The following KIF24 variants were observed in gnomAD, a reference collection of about 807,000 sequenced individuals.
The protein encoded by KIF24 is kinesin family member 24.
A neutral mutation model predicts 118.9 loss-of-function variants in KIF24; 81 were observed. The observed-to-expected ratio is 0.68, with a 90% confidence interval of 0.57 to 0.82. The LOEUF (loss-of-function observed/expected upper bound fraction) is 0.82, where lower values mean the gene tolerates loss of function less well. KIF24 is among the 40% of genes least tolerant of loss of function. The pLI, the probability that KIF24 is intolerant of heterozygous loss-of-function variation, is 0.00. For synonymous variants in KIF24, 599 were observed against 610.0 expected (o/e 0.98, Z 0.27); for missense variants, 1,560 against 1,661.6 (o/e 0.94, Z 1.06).
intron 3 of KIF24, among the ~76,000 whole-genome samples, chr9:34,297,555 G>T (rs1053880102): frequency 6.6e-6 from 1 of 152,166 alleles, no homozygotes; most frequent in Non-Finnish European, 1.5e-5. Flanking sequence ...AAGGTCAGGA[G>T]ATCGAGACCA....
At position 34,257,027 on chromosome 9, in the gene KIF24, C is replaced by G. The variant is rs144995838; in HGVS notation, c.2580G>C (p.Thr860=). ...CCTGCTTCTCAGGACCCTGTCCCCA[C>G]GTCTGGTGCAGGAAGAATGAGTCTT... The part of the protein sequence containing the change: ...NSEDSFFLHQ[T]WGQGPEKQVA... Residue 860 remains threonine (T), a synonymous_variant, in exon 11 of 13, where the codon ACG becomes ACC. Coordinates refer to ENST00000402558, the MANE Select transcript of KIF24 (RefSeq NM_194313.4). 11 of 1,613,902 alleles carry G rather than the reference C, an allele frequency of 6.8e-6. No homozygotes were observed. The highest frequency in any genetic ancestry group is 8.5e-6 in the Non-Finnish European group (10 of 1,179,896).
chr9:34,273,560 G>A (rs1372536079), intron 6 of KIF24, among the ~76,000 whole-genome samples: 10 of 32,840 alleles, frequency 3.0e-4, no homozygotes, highest in Admixed American at 6.9e-4. Context: ...CCCTGTGCAG[G>A]AGGCAGAAGG....
chr9:34,309,540 CAAAAAAAAAAAAA>C (rs397960934), intron 2 of KIF24, among the ~76,000 whole-genome samples: 1 of 65,246 alleles, frequency 1.5e-5, no homozygotes, highest in African/African-American at 6.1e-5. Context: ...GACTCCGTCT[CAAAAAAAAAAAAA>C]AAAAAAAGAA....
chr9:34,258,884 A>G (rs1443349452), intron 10 of KIF24, among the ~76,000 whole-genome samples: 5 of 152,096 alleles, frequency 3.3e-5, no homozygotes, highest in Admixed American at 6.5e-5. Flanking sequence ...TGTACCAGAT[A>G]ATTATTTCTT....
At chr9:34,324,739 C>T (rs1837624032) in intron 1 of KIF24, among the ~76,000 whole-genome samples, 1 of 152,204 alleles carries the variant, frequency 6.6e-6, no homozygotes, top group East Asian at 1.9e-4. Context: ...TAGCCCCTTC[C>T]TCACTCTACA....
chr9:34,286,716 AG>A lies in KIF24; in HGVS notation c.1128-13del, dbSNP rs1836065783. ...CTCTTGCAAAGAGCCTGCAGATGCA[AG>A]AAAGTGGTTGGTATGATGGTGCTAC... On this transcript the variant is annotated splice_polypyrimidine_tract_variant and intron_variant, in intron 5 of 12. Transcript: ENST00000402558. 6.3e-7 allele frequency: 1 copy of A among 1,596,436 alleles called. No individual in the cohort carries two copies. The highest frequency in any genetic ancestry group is 1.1e-5 in the South Asian group (1 of 90,704).
In KIF24 at chr9:34,318,541, C is replaced by G. The variant is rs1181749232; in HGVS notation, c.-25-7170G>C. ...CCAAGGCAGCCACGCTGGCCGAACA[C>G]AGCGCCGGCCTGGCCTTCAGCCTGT... On this transcript the variant is annotated intron_variant, in intron 1 of 12. Transcript: ENST00000402558. This position sits in a 1 kb window ranked among gnomAD's most constrained non-coding sequence, Gnocchi z 4.9. 1 of 1,051,646 alleles carries G rather than the reference C, an allele frequency of 9.5e-7. No individual in the cohort carries two copies. The highest frequency in any genetic ancestry group is 1.5e-5 in the African/African-American group (1 of 65,434). 65.1% of individuals were successfully genotyped at this position (1,051,646 alleles called of 1,614,324 possible).
At position 34,252,890 on chromosome 9, in the gene KIF24, A is replaced by G. The variant is rs1239321724; in HGVS notation, c.*1490T>C. 2 of 151,978 alleles carry G rather than the reference A, an allele frequency of 1.3e-5. No individual in the cohort carries two copies. The highest frequency in any genetic ancestry group is 4.8e-5 in the African/African-American group (2 of 41,382). The allele number at this position is 151,978 out of a possible 1,614,324, so 9.4% of individuals were successfully genotyped here. On this transcript the variant is annotated 3_prime_UTR_variant, in exon 13 of 13. Transcript: ENST00000402558. ...TGCCACAAGCAGAGGATGGGATTTA[A>G]ACTGTTTCACCAGCTCTCAGTGGTG... is the stretch of plus-strand genomic sequence containing the variant.
At chr9:34,260,721 A>G (rs1233157324) in intron 9 of KIF24, among the ~76,000 whole-genome samples, 2 of 152,236 alleles carry the variant, frequency 1.3e-5, no homozygotes, top group East Asian at 3.8e-4. Flanking sequence ...CTGTAATCCT[A>G]GCACTTTGGG....
intron 10 of KIF24, 65 bp from the exon 11 acceptor site, chr9:34,258,046 T>C: frequency 1.6e-6 from 2 of 1,265,986 alleles, no homozygotes; most frequent in Non-Finnish European, 2.2e-6. Flanking sequence ...TTTCTATAGC[T>C]TTCTGGGAAA....
intron 3 of KIF24, among the ~76,000 whole-genome samples, chr9:34,303,127 C>T (rs1836788175): frequency 6.6e-6 from 1 of 151,578 alleles, no homozygotes; most frequent in Non-Finnish European, 1.5e-5. Flanking sequence ...GTTACCCAGG[C>T]TGGTTTTGAA....
intron 1 of KIF24, chr9:34,319,200 G>A: frequency 1.2e-6 from 2 of 1,604,386 alleles, no homozygotes; most frequent in Non-Finnish European, 1.7e-6. Context: ...AAGCTCTCCA[G>A]CCTCATCATC....
At chr9:34,262,974 C>A in intron 9 of KIF24, 127 bp downstream of exon 9, 1 of 689,196 alleles carries the variant, frequency 1.5e-6, no homozygotes. Context: ...TCCTCTCCTT[C>A]TCTTTTCCCC....
intron 4 of KIF24, among the ~76,000 whole-genome samples, chr9:34,295,196 G>C (rs1291800612): frequency 1.6e-5 from 1 of 61,270 alleles, no homozygotes; most frequent in African/African-American, 4.2e-5. Flanking sequence ...TGGATGGATA[G>C]ACAGACAGAC....
chr9:34,332,384 A>C (rs11787826), upstream of KIF24, among the ~76,000 whole-genome samples: 53,271 of 151,998 alleles, frequency 0.35, 10,784 homozygotes, highest in South Asian at 0.57. Flanking sequence ...CACAAAACAC[A>C]CTGTAACTTG....
rs923632458 is a variant in KIF24 at position 34,316,800 on chromosome 9, G to A, written c.-25-5429C>T. 2.6e-5 allele frequency among the ~76,000 whole-genome samples: 4 copies of A among 152,144 alleles called. No individual in the cohort carries two copies. The East Asian group carries it at 5.8e-4, about 22-fold the overall frequency. ...AAAATAGTGCTTACTGGCTGGGCGC[G>A]GTGGCTCATGCCTGTAATCCCAGCA... On this transcript the variant is annotated intron_variant, in intron 1 of 12. Coordinates refer to ENST00000402558, the MANE Select transcript of KIF24 (RefSeq NM_194313.4).
Position 34,311,227 on chromosome 9 carries a change from G to A in KIF24, c.120C>T (p.Tyr40=), listed in dbSNP as rs759950371. 1.4e-5 allele frequency: 23 copies of A among 1,612,994 alleles called. No homozygotes were observed. Among genetic ancestry groups the A allele is most frequent in the Non-Finnish European group, 1.8e-5 (21 of 1,179,358 alleles). The change falls in exon 2 of 13, where the codon TAC becomes TAT. Residue 40 remains tyrosine (Y), a synonymous_variant. Transcript: ENST00000402558. ...TCATGTCATGGACTCCTAATTTGGA[G>A]TAGTCCTTCATTGTAATCTTGGCTA... ...DELAKITMKD[Y]SKLGVHDMND...
chr9:34,260,516 A>G (rs921573555), intron 9 of KIF24, among the ~76,000 whole-genome samples: 1 of 152,210 alleles, frequency 6.6e-6, no homozygotes, highest in Non-Finnish European at 1.5e-5. Context: ...GGGCAGAGAG[A>G]TGACTAGAAG....
In KIF24 at chr9:34,329,257, G is replaced by T. The variant is rs550712222; in HGVS notation, c.-177C>A. Among the ~76,000 whole-genome samples the T allele has an allele frequency of 1.7e-3, 259 of 152,346 alleles. 1 individual carries two copies. The highest frequency in any genetic ancestry group is 5.9e-3 in the African/African-American group (245 of 41,572). On this transcript the variant is annotated 5_prime_UTR_variant, in exon 1 of 13. Transcript: ENST00000402558. ...CATCTCCATGGCAACGCCGCCAAGCGCCAGTTCGAACGCCCGCGCTGTGGC... is the reference window on the plus strand; with the variant it reads ...CATCTCCATGGCAACGCCGCCAAGCTCCAGTTCGAACGCCCGCGCTGTGGC...
Sources: gnomAD v4.1 joint callset for allele counts (sites outside exome capture counted in the v4.1 genomes callset) on GRCh38, gnomAD v4.1.1 for gene constraint, Gnocchi (gnomAD v3.1) non-coding constraint, MANE v1.5 for transcripts, NCBI Gene and HGNC (gene_info 2026-07-23, HGNC 2026-07-21) for gene names.